The following CDH13 variants were observed in gnomAD, a reference collection of about 807,000 sequenced individuals.
CDH13 encodes the protein cadherin-13.
CDH13 carries 24 observed loss-of-function variants against 63.8 expected under a neutral mutation model. The observed-to-expected ratio is 0.38, with a 90% CI of 0.27 to 0.53. CDH13 has a LOEUF of 0.53. Among genes scored for constraint, CDH13 ranks in the 20% least tolerant of loss-of-function variants. The pLI is 0.85. For missense variants in CDH13, 1,049 were observed against 903.1 expected, an observed-to-expected ratio of 1.16 and a Z score of -2.07; for synonymous variants, 503 against 355.3, an observed-to-expected ratio of 1.42 and a Z score of -4.67.
chr16:82,949,232 G>A (rs902560592), intron 2 of CDH13, among the ~76,000 whole-genome samples: 1 of 152,146 alleles, frequency 6.6e-6, no homozygotes, highest in Admixed American at 6.5e-5. Flanking sequence ...GGAGGATTCG[G>A]CCTCACCTTT....
chr16:82,966,814 AT>A (rs1275964408), intron 2 of CDH13, among the ~76,000 whole-genome samples: 3 of 152,132 alleles, frequency 2.0e-5, no homozygotes, highest in Non-Finnish European at 4.4e-5. Flanking sequence ...TCAGTGTGAT[AT>A]TTCCCAAAAA....
At chr16:83,779,516 A>C (rs556106202) in intron 11 of CDH13, among the ~76,000 whole-genome samples, 2 of 150,272 alleles carry the variant, frequency 1.3e-5, no homozygotes, top group East Asian at 3.9e-4. Context: ...TCTTGTTTGC[A>C]ACTATTAATA....
intron 8 of CDH13, among the ~76,000 whole-genome samples, chr16:83,665,366 C>G (rs1039482990): frequency 6.6e-6 from 1 of 152,138 alleles, no homozygotes; most frequent in Admixed American, 6.5e-5. Flanking sequence ...AATACTGACT[C>G]CTTGTTATAC....
At chr16:83,114,657 T>C (rs183468481) in intron 3 of CDH13, among the ~76,000 whole-genome samples, 1 of 152,266 alleles carries the variant, frequency 6.6e-6, no homozygotes, top group Admixed American at 6.5e-5. Flanking sequence ...ATTGGGAAAA[T>C]AGATACATGG....
At position 83,300,897 on chromosome 16, in the gene CDH13, G is replaced by T. The variant is rs1448278841; in HGVS notation, c.637-43965G>T. Among the ~76,000 whole-genome samples the T allele has an allele frequency of 5.9e-5, 9 of 152,228 alleles. No homozygotes were observed. In the East Asian group the frequency reaches 1.7e-3, roughly 29 times the overall value. On this transcript the variant is annotated intron_variant, in intron 5 of 13. Transcript: ENST00000567109. ...GCTAAGGTAGTTCGTTAAAGAAGACGTGGCTGAGAGCCAGGAAACAGGGAT... is the reference window on the plus strand; with the variant it reads ...GCTAAGGTAGTTCGTTAAAGAAGACTTGGCTGAGAGCCAGGAAACAGGGAT...
chr16:83,693,765 C>G (rs1247249600), intron 10 of CDH13, among the ~76,000 whole-genome samples: 1 of 152,198 alleles, frequency 6.6e-6, no homozygotes, highest in Non-Finnish European at 1.5e-5. Flanking sequence ...ACACATATAA[C>G]TAGTCATATT....
intron 1 of CDH13, among the ~76,000 whole-genome samples, chr16:82,826,938 AC>A (rs1229567643): frequency 7.9e-5 from 12 of 152,208 alleles, no homozygotes; most frequent in African/African-American, 2.7e-4. Context: ...TGGGAAAGGT[AC>A]TAAGAATGCA....
At chr16:83,610,708 T>A (rs1908781516) in intron 8 of CDH13, among the ~76,000 whole-genome samples, 1 of 152,226 alleles carries the variant, frequency 6.6e-6, no homozygotes, top group South Asian at 2.1e-4. Flanking sequence ...TACTCCTTCA[T>A]CCTACTACAT....
At chr16:82,651,555 G>C (rs761027665) in intron 1 of CDH13, among the ~76,000 whole-genome samples, 3 of 152,126 alleles carry the variant, frequency 2.0e-5, no homozygotes, top group African/African-American at 7.2e-5. Context: ...CTCTGGCCAG[G>C]TCCTGAGAAA....
At chr16:82,955,761 G>T (rs1456613895) in intron 2 of CDH13, among the ~76,000 whole-genome samples, 2 of 152,144 alleles carry the variant, frequency 1.3e-5, no homozygotes, top group African/African-American at 4.8e-5. Context: ...ATTGCAAGCA[G>T]CTACTGCATT....
intron 5 of CDH13, among the ~76,000 whole-genome samples, chr16:83,306,967 C>T (rs2089895207): frequency 6.6e-6 from 1 of 152,208 alleles, no homozygotes; most frequent in South Asian, 2.1e-4. Context: ...TGTTTGTTTC[C>T]TGAGCCTCTA....
intron 5 of CDH13, among the ~76,000 whole-genome samples, chr16:83,254,567 C>T (rs950661502): frequency 5.3e-5 from 8 of 152,164 alleles, no homozygotes; most frequent in African/African-American, 1.9e-4. Context: ...TCACCATCTC[C>T]TCCTCCTTTT....
intron 10 of CDH13, among the ~76,000 whole-genome samples, chr16:83,684,248 T>A (rs1396901287): frequency 6.6e-6 from 1 of 152,028 alleles, no homozygotes; most frequent in Non-Finnish European, 1.5e-5. Flanking sequence ...ACCCCTGTAA[T>A]CCCAGGTACT....
intron 1 of CDH13, among the ~76,000 whole-genome samples, chr16:82,693,524 G>C (rs2029888516): frequency 6.6e-6 from 1 of 152,130 alleles, no homozygotes; most frequent in Non-Finnish European, 1.5e-5. Flanking sequence ...GCTCTCCCCT[G>C]TATTAATGTA....
chr16:83,732,161 A>G (rs1911101077), intron 10 of CDH13, among the ~76,000 whole-genome samples: 4 of 152,230 alleles, frequency 2.6e-5, no homozygotes, highest in Admixed American at 1.3e-4. Context: ...TGAACAAGCC[A>G]ATGAATGTCT....
At chr16:82,977,010 AT>A (rs1289143422) in intron 2 of CDH13, among the ~76,000 whole-genome samples, 1 of 152,194 alleles carries the variant, frequency 6.6e-6, no homozygotes, top group East Asian at 1.9e-4. Context: ...CCCCCAACAA[AT>A]GGTGCTAGGA....
chr16:83,163,269 A>G (rs1332584278), intron 4 of CDH13, among the ~76,000 whole-genome samples: 1 of 152,026 alleles, frequency 6.6e-6, no homozygotes, highest in Non-Finnish European at 1.5e-5. Context: ...CAGTAGTGCA[A>G]AAAATGGACT....
chr16:83,377,978 C>T (rs2091488042), intron 6 of CDH13, among the ~76,000 whole-genome samples: 1 of 152,142 alleles, frequency 6.6e-6, no homozygotes, highest in Non-Finnish European at 1.5e-5. Flanking sequence ...GATGAATTTG[C>T]ATGTAAAACA....
At chr16:83,261,181 G>T (rs1474054167) in intron 5 of CDH13, among the ~76,000 whole-genome samples, 1 of 152,110 alleles carries the variant, frequency 6.6e-6, no homozygotes, top group Admixed American at 6.5e-5. Flanking sequence ...CATGCAAGGG[G>T]GCGTGCATGC....
Sources: gnomAD v4.1 joint callset for allele counts (sites outside exome capture counted in the v4.1 genomes callset) on GRCh38, gnomAD v4.1.1 for gene constraint, MANE v1.5 for transcripts, NCBI Gene and HGNC (gene_info 2026-07-23, HGNC 2026-07-21) for gene names.